The following CFAP46 variants were observed in gnomAD, a reference collection of about 807,000 sequenced individuals.
CFAP46 encodes cilia and flagella associated protein 46, also known as cilia- and flagella-associated protein 46.
A neutral mutation model predicts 325.7 loss-of-function variants in CFAP46; 245 were observed. The observed-to-expected ratio is 0.75, with a 90% CI of 0.68 to 0.84. The LOEUF is 0.84. CFAP46 is among the 40% of genes least tolerant of loss of function. CFAP46 has a pLI of 0.00. For synonymous variants in CFAP46, 1,523 were observed against 1,495.9 expected, an observed-to-expected ratio of 1.02 and a Z score of -0.42; for missense variants, 3,346 against 3,543.0, an observed-to-expected ratio of 0.94 and a Z score of 1.41.
chr10:132,887,356 CCCT>C (rs141607660), intron 25 of CFAP46, among the ~76,000 whole-genome samples: 15,349 of 73,026 alleles, frequency 0.21, 3,550 homozygotes, highest in Admixed American at 0.38. Context: ...TCCTCTCCTC[CCCT>C]CTTCTTTCCT....
intron 41 of CFAP46, among the ~76,000 whole-genome samples, chr10:132,849,880 G>A (rs1020314002): frequency 2.6e-5 from 4 of 152,188 alleles, no homozygotes; most frequent in Admixed American, 2.0e-4. Flanking sequence ...GTCCCTGTGC[G>A]GGGCCTGGCC....
chr10:132,908,742 G>C, intron 21 of CFAP46, 108 bp from the exon 22 acceptor site: 2 of 1,335,732 alleles, frequency 1.5e-6, no homozygotes, highest in Non-Finnish European at 2.0e-6. Context: ...GCAGAGGCGT[G>C]GCCTGTGAAG....
intron 50 of CFAP46, 149 bp downstream of exon 50, chr10:132,833,208 CA>C (rs1848180075): frequency 3.6e-6 from 3 of 822,304 alleles, no homozygotes; most frequent in Non-Finnish European, 5.6e-6. Flanking sequence ...TTATATCCTA[CA>C]AATATCTTTG....
chr10:132,859,330 C>CTGGATGAACACCGGGGAGAA, intron 37 of CFAP46, 83 bp from the exon 38 acceptor site: 1 of 1,258,658 alleles, frequency 7.9e-7, no homozygotes, highest in Non-Finnish European at 1.1e-6. Flanking sequence ...GCTGTTCTCC[C>CTGGATGAACACCGGGGAGAA]CGGTGTTCAT....
chr10:132,849,255 G>C (rs1848494884), intron 41 of CFAP46, among the ~76,000 whole-genome samples: 1 of 152,226 alleles, frequency 6.6e-6, no homozygotes, highest in South Asian at 2.1e-4. Flanking sequence ...GCAGGCCAAT[G>C]GAGGCTGGTT....
At chr10:132,866,548 C>T (rs549081610) in intron 34 of CFAP46, among the ~76,000 whole-genome samples, 5 of 152,326 alleles carry the variant, frequency 3.3e-5, no homozygotes, top group African/African-American at 4.8e-5. Context: ...GGCCTGCCTG[C>T]GGCTGTGCAC....
intron 27 of CFAP46, among the ~76,000 whole-genome samples, chr10:132,882,902 C>T (rs1212379247): frequency 6.6e-6 from 1 of 152,014 alleles, no homozygotes; most frequent in African/African-American, 2.4e-5. Flanking sequence ...CAAGGGAGAG[C>T]AGGTCATCTT....
intron 26 of CFAP46, 131 bp from the exon 27 acceptor site, chr10:132,885,417 G>A (rs546982958): frequency 3.5e-5 from 32 of 910,344 alleles, no homozygotes; most frequent in Middle Eastern, 6.9e-4. Flanking sequence ...CCAGGTGAGC[G>A]GGGGTCTCGG....
intron 50 of CFAP46, among the ~76,000 whole-genome samples, chr10:132,822,254 ATGTGTGCTG>A (rs1415184970): frequency 1.0e-5 from 1 of 95,360 alleles, no homozygotes. Context: ...GTGTGCGCTG[ATGTGTGCTG>A]TGTGTGTGCT....
At chr10:132,843,740 C>T (rs1175666731) in intron 44 of CFAP46, among the ~76,000 whole-genome samples, 1 of 122,068 alleles carries the variant, frequency 8.2e-6, no homozygotes, top group African/African-American at 3.2e-5. Flanking sequence ...GGTGGGTGTT[C>T]CCAGGGTGCT....
Position 132,869,601 on chromosome 10 carries a change from A to G in CFAP46, c.4512-229T>C, listed in dbSNP as rs979648897. On this transcript the variant is annotated intron_variant, in intron 32 of 57. Transcript: ENST00000368586. The surrounding 1 kb of genome is among the most constrained non-coding windows in gnomAD (Gnocchi z 6.2). ...CCCGCTCCTTCACAGATCTCGTGCGAGGCATTATCTGTTGCCTCCTGGACG... is the reference window on the plus strand; with the variant it reads ...CCCGCTCCTTCACAGATCTCGTGCGGGGCATTATCTGTTGCCTCCTGGACG... Among the ~76,000 whole-genome samples, 4 of 152,176 alleles carry G rather than the reference A, an allele frequency of 2.6e-5. No homozygotes were observed. Among genetic ancestry groups the G allele is most frequent in the Admixed American group, 1.3e-4 (2 of 15,278 alleles).
chr10:132,820,316 A>G (rs914499205), intron 50 of CFAP46, among the ~76,000 whole-genome samples: 1 of 150,828 alleles, frequency 6.6e-6, no homozygotes, highest in Non-Finnish European at 1.5e-5. Flanking sequence ...AGCTCACAGA[A>G]GCAGAGTGAG....
chr10:132,833,959 C>G (rs1016539696), intron 49 of CFAP46, 82 bp downstream of exon 49: 1 of 1,357,376 alleles, frequency 7.4e-7, no homozygotes, highest in East Asian at 2.3e-5. Context: ...CTGGCGTTCC[C>G]GGATGGGTGG....
At chr10:132,872,604 A>G (rs746645630) in intron 32 of CFAP46, 72 bp downstream of exon 32, 1 of 1,505,482 alleles carries the variant, frequency 6.6e-7, no homozygotes, top group South Asian at 1.2e-5. Flanking sequence ...CTACAGAATT[A>G]ATACCTTAAC....
intron 17 of CFAP46, among the ~76,000 whole-genome samples, chr10:132,915,515 C>A (rs574116414): frequency 1.3e-5 from 2 of 152,272 alleles, no homozygotes; most frequent in Non-Finnish European, 2.9e-5. Flanking sequence ...GCAGGGACAG[C>A]TGGCTTTCCT....
intron 22 of CFAP46, among the ~76,000 whole-genome samples, chr10:132,901,680 C>T (rs1304147147): frequency 6.6e-6 from 1 of 152,172 alleles, no homozygotes; most frequent in Non-Finnish European, 1.5e-5. Flanking sequence ...AATTTAAGAA[C>T]TGAAAGGGAA....
intron 32 of CFAP46, among the ~76,000 whole-genome samples, chr10:132,871,218 T>C (rs1445459256): frequency 6.6e-6 from 1 of 152,266 alleles, no homozygotes; most frequent in Non-Finnish European, 1.5e-5. Context: ...TACTGCTCAT[T>C]GGCAATGCTT....
At chr10:132,867,740 G>C (rs932606227) in intron 33 of CFAP46, among the ~76,000 whole-genome samples, 1 of 152,196 alleles carries the variant, frequency 6.6e-6, no homozygotes, top group Admixed American at 6.5e-5. Flanking sequence ...CTGTTTGACA[G>C]CCAGGGGTGT....
rs1344623627 is a variant in CFAP46, at chr10:132,822,504, CTG to C, written c.7118-7592_7118-7591del. 3.0e-5 allele frequency among the ~76,000 whole-genome samples: 3 copies of C among 101,454 alleles called. No individual in the cohort carries two copies. The East Asian group carries it at 1.0e-3, about 35-fold the overall frequency. The allele number at this position is 101,454 out of a possible 152,430, so 66.6% of individuals were successfully genotyped here. ...TGTGTGCTGTGTGTGCTGATGTGTG[CTG>C]TGTGCTGATGTGTGCTGACGTGTGC... On this transcript the variant is annotated intron_variant, in intron 50 of 57. Transcript: ENST00000368586.
Sources: allele counts gnomAD v4.1 joint callset (sites outside exome capture counted in the v4.1 genomes callset), GRCh38; gene constraint gnomAD v4.1.1; non-coding constraint Gnocchi (gnomAD v3.1); transcripts MANE v1.5; gene names NCBI Gene and HGNC (gene_info 2026-07-23, HGNC 2026-07-21).